Variants in UNC5D observed in about 807,000 individuals in gnomAD.
UNC5D encodes the protein netrin receptor UNC5D.
Under a neutral mutation model 105.4 loss-of-function variants are expected in UNC5D, and 39 were observed. That is an observed-to-expected ratio of 0.37 (90% CI 0.29 to 0.48). The LOEUF is 0.48. UNC5D is among the 20% of genes least tolerant of loss of function. The pLI is 0.98. For synonymous variants in UNC5D, 452 were observed against 450.4 expected (o/e 1.00, Z -0.04); for missense variants, 991 against 1,202.4 (o/e 0.82, Z 2.60).
intron 1 of UNC5D, among the ~76,000 whole-genome samples, chr8:35,385,566 C>G (rs937151997): frequency 6.6e-6 from 1 of 151,362 alleles, no homozygotes; most frequent in African/African-American, 2.4e-5. Flanking sequence ...CCCGGACTCA[C>G]GCCATTCTCT....
At chr8:35,434,878 T>A (rs1164711409) in intron 1 of UNC5D, among the ~76,000 whole-genome samples, 1 of 152,096 alleles carries the variant, frequency 6.6e-6, no homozygotes, top group Non-Finnish European at 1.5e-5. Context: ...AAAGCAATGA[T>A]GTGGTCAGTT....
At position 35,792,968 on chromosome 8, in the gene UNC5D, A is replaced by ATT; in HGVS notation, c.*2413_*2414dup. On this transcript the variant is annotated 3_prime_UTR_variant, in exon 17 of 17. Transcript: ENST00000404895. ...GAATGTCTGGAGTTACCTCCCATGG[A>ATT]TTTTTTTTTCCTTTGGCCTGGGTTT... 2.2e-6 allele frequency: 1 copy of ATT among 449,816 alleles called. No homozygotes were observed. Among genetic ancestry groups the ATT allele is most frequent in the South Asian group, 1.6e-5 (1 of 62,796 alleles). 27.9% of individuals were successfully genotyped at this position (449,816 alleles called of 1,614,324 possible).
Position 35,767,066 on chromosome 8 carries a change from G to A in UNC5D, c.2478G>A (p.Glu826=), listed in dbSNP as rs1801806875. The A allele has an allele frequency of 1.9e-5, 31 of 1,610,936 alleles. 1 individual carries two copies. The highest frequency in any genetic ancestry group is 2.6e-5 in the Non-Finnish European group (31 of 1,178,378). The change falls in exon 15 of 17, where the codon GAG becomes GAA. Residue 826 remains glutamate, a splice_region_variant and synonymous_variant. Coordinates refer to ENST00000404895, the MANE Select transcript of UNC5D (RefSeq NM_080872.4). The stretch of plus-strand genomic sequence containing the variant: ...TCCAAGTGCAGACATCAATCCTAGA[G>A]GTGAGTCCTTGATCTACAGGTCATT... ...QILQVQTSIL[E]SERETITFFA... is the part of the protein sequence containing the mutation.
At chr8:35,624,486 C>T (rs1311321102) in intron 4 of UNC5D, among the ~76,000 whole-genome samples, 1 of 152,172 alleles carries the variant, frequency 6.6e-6, no homozygotes, top group Non-Finnish European at 1.5e-5. Flanking sequence ...CACATTCATG[C>T]ACAAAAGGCC....
rs980551158 is a variant in UNC5D at position 35,790,612 on chromosome 8, C to T, written c.*49C>T. The T allele has an allele frequency of 1.0e-5, 16 of 1,603,472 alleles. No individual in the cohort carries two copies. The highest frequency in any genetic ancestry group is 1.4e-5 in the Non-Finnish European group (16 of 1,173,364). On this transcript the variant is annotated 3_prime_UTR_variant, in exon 17 of 17. Coordinates refer to ENST00000404895, the MANE Select transcript of UNC5D (RefSeq NM_080872.4). ...GTGATGGCCAGCTTGGGGACATTTG[C>T]TTTAAATGGGAAAGAGGCCGCTTTC...
In UNC5D at chr8:35,748,693, G is replaced by A. The variant is rs144314548; in HGVS notation, c.1933G>A (p.Glu645Lys). 6.2e-6 allele frequency: 10 copies of A among 1,612,792 alleles called. No individual in the cohort carries two copies. Among genetic ancestry groups the A allele is most frequent in the Non-Finnish European group, 8.5e-6 (10 of 1,179,502 alleles). ...LKKRTQQGKWEEVMSVEDEST... is the reference protein window; with the variant it reads ...LKKRTQQGKWKEVMSVEDEST... ...GAAGAGGACACAGCAGGGCAAATGG[G>A]AGGTGAGACCCTTTACTTCCTTTTT... The change falls in exon 12 of 17, where the codon GAG (glutamate) becomes AAG (lysine). Residue 645 changes from glutamate to lysine, a missense_variant and splice_region_variant. Around this residue, in one of 3 missense-constraint regions of UNC5D, gnomAD observed 944 missense variants for 1,131.6 expected, o/e 0.83. Transcript: ENST00000404895.
At position 35,668,032 on chromosome 8, in the gene UNC5D, C is replaced by T. The variant is rs1349920180; in HGVS notation, c.571-15515C>T. Among the ~76,000 whole-genome samples, 5 of 152,092 alleles carry T rather than the reference C, an allele frequency of 3.3e-5. No homozygotes were observed. The East Asian group carries it at 9.6e-4, about 29-fold the overall frequency. On this transcript the variant is annotated intron_variant, in intron 4 of 16. Transcript: ENST00000404895. ...GATAAAAGTTGTTAAGATTGTTCTACACAAGGAATGTACCAATTTCGATTC... is the reference window on the plus strand; with the variant it reads ...GATAAAAGTTGTTAAGATTGTTCTATACAAGGAATGTACCAATTTCGATTC...
chr8:35,416,345 G>A (rs1805534498), intron 1 of UNC5D, among the ~76,000 whole-genome samples: 1 of 152,096 alleles, frequency 6.6e-6, no homozygotes, highest in Admixed American at 6.6e-5. Context: ...GAGAAGTACA[G>A]AGCCCAGCAA....
At position 35,346,342 on chromosome 8, in the gene UNC5D, G is replaced by A. The variant is rs117782929; in HGVS notation, c.103+110455G>A. ...TTAAGATTCTAAAGGTTTTTTCCTT[G>A]AATATGTTTGAAGAGTCAATGTAAA... is the stretch of plus-strand genomic sequence containing the variant. On this transcript the variant is annotated intron_variant, in intron 1 of 16. Transcript: ENST00000404895. 7.3e-3 allele frequency among the ~76,000 whole-genome samples: 1,110 copies of A among 152,042 alleles called. 10 individuals are homozygous for A. The highest frequency in any genetic ancestry group is 9.8e-3 in the Non-Finnish European group (668 of 67,936).
chr8:35,583,671 G>A (rs1235952724), intron 3 of UNC5D, among the ~76,000 whole-genome samples: 2 of 152,154 alleles, frequency 1.3e-5, no homozygotes, highest in African/African-American at 4.8e-5. Context: ...TACAAAATGT[G>A]AGTTATCAGT....
rs554628673 is a variant in UNC5D at position 35,730,143 on chromosome 8, C to T, written c.1682-869C>T. On this transcript the variant is annotated intron_variant, in intron 10 of 16. Coordinates refer to ENST00000404895, the MANE Select transcript of UNC5D (RefSeq NM_080872.4). ...TTATTTTGTAAGGATCTTACTGTTT[C>T]TCTATTTCATTTCTTTTTATAAACA... is the stretch of plus-strand genomic sequence containing the variant. Among the ~76,000 whole-genome samples the T allele has an allele frequency of 1.0e-3, 158 of 152,256 alleles. 2 individuals carry two copies. The highest frequency in any genetic ancestry group is 1.9e-3 in the Non-Finnish European group (128 of 68,002).
intron 4 of UNC5D, among the ~76,000 whole-genome samples, chr8:35,668,367 A>G (rs1281931318): frequency 6.6e-6 from 1 of 152,146 alleles, no homozygotes; most frequent in Non-Finnish European, 1.5e-5. Context: ...TATATTTAAT[A>G]TCATCCTTTA....
At chr8:35,640,128 T>A (rs1034971804) in intron 4 of UNC5D, among the ~76,000 whole-genome samples, 4 of 152,130 alleles carry the variant, frequency 2.6e-5, no homozygotes, top group Non-Finnish European at 5.9e-5. Flanking sequence ...AATTTTTTTT[T>A]AATGAAAGCA....
Position 35,566,526 on chromosome 8 carries a change from A to G in UNC5D, c.323-1572A>G, listed in dbSNP as rs549005368. On this transcript the variant is annotated intron_variant, in intron 2 of 16. Transcript: ENST00000404895. ...ATTGCCACAATCAAGTGTAAGTACT[A>G]AAATAAAGGAACAGAATTGAATTGT... Among the ~76,000 whole-genome samples, 5 of 152,344 alleles carry G rather than the reference A, an allele frequency of 3.3e-5. No homozygotes were observed. In the South Asian group the frequency reaches 8.3e-4, roughly 25 times the overall value.
intron 3 of UNC5D, among the ~76,000 whole-genome samples, chr8:35,585,222 C>T (rs1336989407): frequency 2.0e-5 from 3 of 152,170 alleles, no homozygotes; most frequent in Non-Finnish European, 2.9e-5. Context: ...GATTACAGAG[C>T]ACAAGGGATC....
At chr8:35,601,062 A>G (rs952621681) in intron 4 of UNC5D, among the ~76,000 whole-genome samples, 12 of 152,016 alleles carry the variant, frequency 7.9e-5, no homozygotes, top group Admixed American at 2.0e-4. Context: ...AGGGAATCCT[A>G]TCCCTATTGC....
intron 1 of UNC5D, among the ~76,000 whole-genome samples, chr8:35,476,722 T>C (rs1810127196): frequency 6.6e-6 from 1 of 152,190 alleles, no homozygotes; most frequent in African/African-American, 2.4e-5. Context: ...TTCAGACCTC[T>C]CCTGAAAATT....
At chr8:35,578,574 T>C (rs1181600973) in intron 3 of UNC5D, among the ~76,000 whole-genome samples, 1 of 152,202 alleles carries the variant, frequency 6.6e-6, no homozygotes, top group Non-Finnish European at 1.5e-5. Flanking sequence ...ATTTTGAAGA[T>C]ATAATTTGAA....
intron 1 of UNC5D, among the ~76,000 whole-genome samples, chr8:35,323,859 A>G (rs1809940545): frequency 6.6e-6 from 1 of 152,112 alleles, no homozygotes; most frequent in Admixed American, 6.6e-5. Context: ...CAGGTTGGTT[A>G]TTCATTTTCG....
Sources: allele counts gnomAD v4.1 joint callset (sites outside exome capture counted in the v4.1 genomes callset), GRCh38; gene constraint gnomAD v4.1.1; regional missense constraint gnomAD v4.1.1; transcripts MANE v1.5; gene names NCBI Gene and HGNC (gene_info 2026-07-23, HGNC 2026-07-21).